Variants in ERC1 observed in about 807,000 individuals in gnomAD.
ERC1 encodes RAB6 interacting protein 2.
In ERC1, 56 loss-of-function variants were observed where a neutral mutation model predicts 132.0. The ratio of observed to expected loss-of-function variants is 0.42; its 90% CI spans 0.34 to 0.53. ERC1 has a LOEUF of 0.53. Among genes scored for constraint, ERC1 ranks in the 20% least tolerant of loss-of-function variants. The pLI, the probability that ERC1 is intolerant of heterozygous loss-of-function variation, is 0.03. For synonymous variants in ERC1, 478 were observed against 476.1 expected, an observed-to-expected ratio of 1.00 and a Z score of -0.05; for missense variants, 1,202 against 1,349.9, an observed-to-expected ratio of 0.89 and a Z score of 1.72.
rs2090967822 is a variant in ERC1, at chr12:1,400,908, A to ATTTTTTTTTT, written c.2926-7236_2926-7235insTTTTTTTTTT. Among the ~76,000 whole-genome samples the ATTTTTTTTTT allele has an allele frequency of 1.4e-4, 6 of 43,398 alleles. 1 individual carries two copies. The highest frequency in any genetic ancestry group is 2.6e-4 in the Admixed American group (1 of 3,782). The allele number at this position is 43,398 out of a possible 152,430, so 28.5% of individuals were successfully genotyped here. ...CTTCTCATTCAATATTGTTTTGGCT[A>ATTTTTTTTTT]TTTTTGTATTTTTTTTTTTTTTTTT... On this transcript the variant is annotated intron_variant, in intron 16 of 18. Transcript: ENST00000360905.
chr12:1,228,712 A>T (rs1277700700), intron 12 of ERC1, among the ~76,000 whole-genome samples: 13 of 151,958 alleles, frequency 8.6e-5, no homozygotes. Context: ...TTCCTTCTTT[A>T]CCTAATTTAT....
intron 12 of ERC1, among the ~76,000 whole-genome samples, chr12:1,225,391 A>G (rs1350376692): frequency 1.3e-5 from 2 of 151,170 alleles, no homozygotes; most frequent in Non-Finnish European, 2.9e-5. Context: ...TCAAGGCTGT[A>G]GTGAGCTATG....
At chr12:1,313,560 A>G (rs1392442521) in intron 15 of ERC1, among the ~76,000 whole-genome samples, 1 of 152,072 alleles carries the variant, frequency 6.6e-6, no homozygotes, top group East Asian at 1.9e-4. Context: ...AACCACCAAA[A>G]AGAGGCTAAT....
At chr12:1,154,354 T>TAC (rs35510985) in intron 8 of ERC1, among the ~76,000 whole-genome samples, 2,265 of 145,786 alleles carry the variant, frequency 0.016, 41 homozygotes, top group African/African-American at 0.037. Flanking sequence ...TGTGTGTTTA[T>TAC]ACACACACAC....
chr12:1,217,121 A>G (rs1282697997), intron 12 of ERC1, among the ~76,000 whole-genome samples: 3 of 152,230 alleles, frequency 2.0e-5, no homozygotes, highest in Non-Finnish European at 2.9e-5. Flanking sequence ...TGAACAACAT[A>G]AAAGTATTCC....
At chr12:1,121,516 A>G (rs1299403347) in intron 7 of ERC1, among the ~76,000 whole-genome samples, 1 of 152,210 alleles carries the variant, frequency 6.6e-6, no homozygotes, top group Non-Finnish European at 1.5e-5. Flanking sequence ...ATCTTTTGTG[A>G]CGAGATTGTG....
chr12:1,039,966 C>T (rs1196541733), intron 2 of ERC1, among the ~76,000 whole-genome samples: 3 of 152,194 alleles, frequency 2.0e-5, no homozygotes, highest in Non-Finnish European at 4.4e-5. Context: ...TTTTGTTTGA[C>T]AGCAGATACC....
chr12:1,037,086 GTT>G (rs913164209), intron 2 of ERC1, among the ~76,000 whole-genome samples: 1 of 152,204 alleles, frequency 6.6e-6, no homozygotes, highest in African/African-American at 2.4e-5. Context: ...CAGTTGGTAA[GTT>G]TGCTTATCTG....
intron 8 of ERC1, among the ~76,000 whole-genome samples, chr12:1,150,081 G>C (rs542157210): frequency 1.3e-5 from 2 of 152,334 alleles, no homozygotes; most frequent in East Asian, 3.9e-4. Flanking sequence ...ACATTGCAAA[G>C]CATTCTGGCA....
chr12:1,263,970 G>A (rs908184434), intron 14 of ERC1, among the ~76,000 whole-genome samples: 8 of 151,572 alleles, frequency 5.3e-5, no homozygotes, highest in Non-Finnish European at 7.4e-5. Context: ...GATTACAGGC[G>A]TGAGCCACTG....
intron 17 of ERC1, among the ~76,000 whole-genome samples, chr12:1,422,174 A>T (rs998399107): frequency 2.0e-5 from 3 of 152,238 alleles, no homozygotes; most frequent in African/African-American, 7.2e-5. Context: ...TTTTTGCTTC[A>T]AAGTTAAACT....
At chr12:991,442 T>G (rs1400615077) in intron 1 of ERC1, 120 bp downstream of exon 1, 1 of 152,262 alleles carries the variant, frequency 6.6e-6, no homozygotes, top group South Asian at 1.9e-4. Context: ...CGGCCCGGGC[T>G]GGGCTGGGCA....
intron 18 of ERC1, among the ~76,000 whole-genome samples, chr12:1,448,694 C>A (rs1021550628): frequency 6.6e-6 from 1 of 152,206 alleles, no homozygotes; most frequent in African/African-American, 2.4e-5. Context: ...CCACCAACAC[C>A]ACCGCCATGA....
chr12:1,039,350 AAAT>A (rs1347818854), intron 2 of ERC1, among the ~76,000 whole-genome samples: 1 of 147,752 alleles, frequency 6.8e-6, no homozygotes. Context: ...AAAAAAAAAA[AAAT>A]AAAAATAAAT....
At chr12:1,400,735 C>T (rs954378881) in intron 16 of ERC1, among the ~76,000 whole-genome samples, 11 of 151,792 alleles carry the variant, frequency 7.2e-5, no homozygotes, top group African/African-American at 2.7e-4. Context: ...AATCAGTTGA[C>T]CATAAAAAAA....
chr12:1,440,235 T>G lies in ERC1; in HGVS notation c.3025-4327T>G, dbSNP rs183601584. ...TTTTTTTTTCCTTGAGACAGAGTCT[T>G]GCTCTGTCGCCCAGGCTGGAGTGCA... is the stretch of plus-strand genomic sequence containing the variant. On this transcript the variant is annotated intron_variant, in intron 17 of 18. Transcript: ENST00000360905. Among the ~76,000 whole-genome samples, 600 of 145,598 alleles carry G rather than the reference T, an allele frequency of 4.1e-3. 3 individuals carry two copies. Among genetic ancestry groups the G allele is most frequent in the Admixed American group, 6.0e-3 (89 of 14,782 alleles).
chr12:1,418,670 C>T (rs1024193773), intron 17 of ERC1, among the ~76,000 whole-genome samples: 8 of 20,556 alleles, frequency 3.9e-4, no homozygotes, highest in South Asian at 2.4e-3. Flanking sequence ...TCTTTCTTTT[C>T]TTTCTTTCTT....
At chr12:1,167,846 A>G (rs1952586378) in intron 8 of ERC1, among the ~76,000 whole-genome samples, 1 of 149,686 alleles carries the variant, frequency 6.7e-6, no homozygotes, top group South Asian at 2.1e-4. Flanking sequence ...CCTCCTTAGT[A>G]CTCGGGACTA....
intron 12 of ERC1, among the ~76,000 whole-genome samples, chr12:1,220,146 C>T (rs1192345764): frequency 6.6e-6 from 1 of 152,200 alleles, no homozygotes; most frequent in Admixed American, 6.5e-5. Context: ...TTATATGTCT[C>T]TTCCCTGACC....
Sources: allele counts gnomAD v4.1 joint callset (sites outside exome capture counted in the v4.1 genomes callset), GRCh38; gene constraint gnomAD v4.1.1; transcripts MANE v1.5; gene names NCBI Gene and HGNC (gene_info 2026-07-23, HGNC 2026-07-21).